Variants in COL1A2 observed in about 807,000 individuals in gnomAD.
COL1A2 encodes collagen alpha-2(I) chain.
In COL1A2, 49 loss-of-function variants were observed where a neutral mutation model predicts 174.3. That is an observed-to-expected ratio of 0.28 (90% CI 0.22 to 0.36). The LOEUF is 0.36. COL1A2 is among the 10% of genes least tolerant of loss of function. The pLI is 1.00. For missense variants in COL1A2, 1,438 were observed against 1,822.7 expected (o/e 0.79, Z 3.84); for synonymous variants, 655 against 606.6 (o/e 1.08, Z -1.17).
In COL1A2 at chr7:94,426,939, GA is replaced by G. The variant is rs58882596; in HGVS notation, c.3106-55del. The G allele has an allele frequency of 0.05, 62,190 of 1,247,194 alleles. 76 individuals carry two copies. The highest frequency in any genetic ancestry group is 0.06 in the Middle Eastern group (281 of 4,646). The allele number at this position is 1,247,194 out of a possible 1,614,324, so 77.3% of individuals were successfully genotyped here. A position where few individuals can be genotyped will look rare whatever the true frequency, so the allele number is the denominator to read the frequency against. On this transcript the variant is annotated intron_variant, in intron 46 of 51. Transcript: ENST00000297268. The stretch of plus-strand genomic sequence containing the variant: ...TAACTAAAGTTTCCCATTCAATTTG[GA>G]AAAAAAAAAAAAATATGTCTCTTGA...
At chr7:94,421,825 C>A (rs1792170169) in intron 38 of COL1A2, 74 bp from the exon 39 acceptor site, 2 of 1,456,910 alleles carry the variant, frequency 1.4e-6, no homozygotes, top group Non-Finnish European at 1.9e-6. Flanking sequence ...TTTTCCAAAA[C>A]AAAGAAATTC....
In COL1A2 at chr7:94,420,387, C is replaced by T. The variant is rs1311079701; in HGVS notation, c.2134-4C>T. On this transcript the variant is annotated splice_polypyrimidine_tract_variant and splice_region_variant and intron_variant, in intron 35 of 51. Transcript: ENST00000297268. ...CACATTTTTAAATCCCTTCTCCCACCTAGGGTGAACGTGGTGAGGTCGGTC... is the reference window on the plus strand; with the variant it reads ...CACATTTTTAAATCCCTTCTCCCACTTAGGGTGAACGTGGTGAGGTCGGTC... The T allele has an allele frequency of 1.2e-6, 2 of 1,614,154 alleles. No homozygotes were observed.
At chr7:94,400,135 A>G (rs935909926) in intron 4 of COL1A2, 61 bp from the exon 5 acceptor site, 5 of 1,489,328 alleles carry the variant, frequency 3.4e-6, no homozygotes, top group Middle Eastern at 1.7e-4. Context: ...CTTACCACAT[A>G]TAATTCTTAG....
chr7:94,427,849 C>T lies in COL1A2; in HGVS notation c.3490C>T (p.Arg1164Cys), dbSNP rs771979105. ...GSRKNPARTC[R>C]DLRLSHPEWS... ...TAGAAAGAACCCAGCTCGCACATGC[C>T]GTGACTTGAGACTCAGCCACCCAGA... Residue 1164 changes from arginine (R) to cysteine (C), a missense_variant, in exon 49 of 52, where the codon CGT becomes TGT. Arg to Cys is a radical substitution (Grantham distance 180, BLOSUM62 -3). Around this residue, in one of 3 missense-constraint regions of COL1A2, gnomAD observed 290 missense variants for 298.1 expected, o/e 0.97. Coordinates refer to ENST00000297268, the MANE Select transcript of COL1A2 (RefSeq NM_000089.4). 13 of 1,613,984 alleles carry T rather than the reference C, an allele frequency of 8.1e-6. No individual in the cohort carries two copies. The highest frequency in any genetic ancestry group is 1.7e-5 in the Admixed American group (1 of 60,000).
chr7:94,400,340 G>T (rs973625847), intron 5 of COL1A2, 52 bp downstream of exon 5: 2 of 1,449,318 alleles, frequency 1.4e-6, no homozygotes, highest in Non-Finnish European at 1.9e-6. Context: ...TTGAAAGAAG[G>T]TTTATTGTGG....
In COL1A2 at chr7:94,424,385, T is replaced by A; in HGVS notation, c.2615T>A (p.Ile872Asn). ...GPQGLLGAPG[I>N]LGLPGSRGER... ...CAGGGTCTTCTTGGTGCTCCTGGTA[T>A]TCTGGGTCTCCCTGGCTCGAGAGGT... Residue 872 changes from isoleucine to asparagine, a missense_variant, in exon 41 of 52, where the codon ATT (isoleucine) becomes AAT (asparagine). This residue lies in a region of COL1A2 where 867 missense variants were observed against 1,213.7 expected (regional missense o/e 0.71). Coordinates refer to ENST00000297268, the MANE Select transcript of COL1A2 (RefSeq NM_000089.4). 1 of 1,614,102 alleles carries A rather than the reference T, an allele frequency of 6.2e-7. No individual in the cohort carries two copies. The highest frequency in any genetic ancestry group is 8.5e-7 in the Non-Finnish European group (1 of 1,179,990).
At chr7:94,397,719 T>G (rs771230545) in intron 1 of COL1A2, 29 bp from the exon 2 acceptor site, 1 of 1,216,378 alleles carries the variant, frequency 8.2e-7, no homozygotes, top group South Asian at 1.3e-5. Context: ...TAATAATTGT[T>G]TCCTACTTTT....
rs1455153425 is a variant in COL1A2 at position 94,408,179 on chromosome 7, C to T, written c.640-4C>T. On this transcript the variant is annotated splice_region_variant and splice_polypyrimidine_tract_variant and intron_variant, in intron 13 of 51. Transcript: ENST00000297268. ...GATTTTATTGAAAATATTTCTGCTTCTAGGGAGCCCGTGGGCTTCCTGGTG... is the reference window on the plus strand; with the variant it reads ...GATTTTATTGAAAATATTTCTGCTTTTAGGGAGCCCGTGGGCTTCCTGGTG... The T allele has an allele frequency of 6.2e-7, 1 of 1,613,894 alleles. No individual in the cohort carries two copies. The highest frequency in any genetic ancestry group is 8.5e-7 in the Non-Finnish European group (1 of 1,179,892).
chr7:94,416,910 T>A (rs1378260375), intron 31 of COL1A2: 2 of 171,876 alleles, frequency 1.2e-5, no homozygotes, highest in Non-Finnish European at 2.5e-5. Context: ...GAGTTTATGA[T>A]GATGAAAATT....
Position 94,409,575 on chromosome 7 carries a change from A to C in COL1A2, c.903A>C (p.Gly301=). ...SGPVGPPGNP[G]ANGLTGAKGA... is the part of the protein sequence containing the mutation. The stretch of plus-strand genomic sequence containing the variant: ...CCTTTTCCTCATAGGGTAATCCTGG[A>C]GCAAACGGCCTTACTGGTGCCAAGG... Residue 301 remains glycine (G), a synonymous_variant, in exon 18 of 52, where the codon GGA becomes GGC. Transcript: ENST00000297268. The C allele has an allele frequency of 6.2e-7, 1 of 1,614,218 alleles. No homozygotes were observed. The highest frequency in any genetic ancestry group is 1.1e-5 in the South Asian group (1 of 91,082).
intron 30 of COL1A2, 127 bp from the exon 31 acceptor site, chr7:94,416,278 G>T (rs550303442): frequency 1.3e-6 from 1 of 767,568 alleles, no homozygotes. Flanking sequence ...AGGAACAAAA[G>T]AAATTTTAAT....
At position 94,408,164 on chromosome 7, in the gene COL1A2, A is replaced by G; in HGVS notation, c.640-19A>G. ...TAAATTAGCATTCTGGATTTTATTG[A>G]AAATATTTCTGCTTCTAGGGAGCCC... On this transcript the variant is annotated intron_variant, in intron 13 of 51. Coordinates refer to ENST00000297268, the MANE Select transcript of COL1A2 (RefSeq NM_000089.4). The G allele has an allele frequency of 6.2e-7, 1 of 1,613,224 alleles. No homozygotes were observed.
chr7:94,395,561 T>C (rs1791566755), intron 1 of COL1A2: 1 of 289,666 alleles, frequency 3.5e-6, no homozygotes, highest in African/African-American at 2.2e-5. Context: ...TTTTATCTTC[T>C]GGGCATTGTA....
At chr7:94,408,659 C>A in intron 15 of COL1A2, 111 bp from the exon 16 acceptor site, 1 of 1,188,898 alleles carries the variant, frequency 8.4e-7, no homozygotes, top group Non-Finnish European at 1.2e-6. Flanking sequence ...TTTTTCTTTA[C>A]TAATATAAAC....
chr7:94,412,176 C>T, intron 24 of COL1A2, 55 bp downstream of exon 24: 1 of 1,467,140 alleles, frequency 6.8e-7, no homozygotes, highest in South Asian at 1.2e-5. Context: ...GCACCCTTAT[C>T]AAGTCTATTT....
At chr7:94,408,716 GT>G in intron 15 of COL1A2, 53 bp from the exon 16 acceptor site, 1 of 1,584,540 alleles carries the variant, frequency 6.3e-7, no homozygotes, top group Non-Finnish European at 8.7e-7. Flanking sequence ...CATTGTTATT[GT>G]TTTCTTAATT....
intron 51 of COL1A2, chr7:94,429,661 T>C: frequency 4.0e-6 from 2 of 502,290 alleles, no homozygotes; most frequent in South Asian, 2.6e-5. Flanking sequence ...TCTTATCAGA[T>C]AGTGCCTTCT....
At chr7:94,420,320 C>A in intron 35 of COL1A2, 34 bp downstream of exon 35, 1 of 1,614,114 alleles carries the variant, frequency 6.2e-7, no homozygotes, top group Non-Finnish European at 8.5e-7. Context: ...TGTATACTCA[C>A]ACCTCACAAT....
intron 41 of COL1A2, chr7:94,424,769 G>A (rs1344013661): frequency 6.5e-6 from 3 of 461,466 alleles, no homozygotes; most frequent in Non-Finnish European, 1.2e-5. Context: ...TGAAACTCTG[G>A]AAGTTCTGAA....
Sources: gnomAD v4.1 joint callset for allele counts on GRCh38, gnomAD v4.1.1 for gene constraint, gnomAD v4.1.1 regional missense constraint, MANE v1.5 for transcripts, NCBI Gene and HGNC (gene_info 2026-07-23, HGNC 2026-07-21) for gene names.